The following IRAG2 variants were observed in gnomAD, a reference collection of about 807,000 sequenced individuals.
IRAG2 encodes the protein inositol 1,4,5-triphosphate receptor associated 2, also known as lymphoid restricted membrane protein.
IRAG2 carries 45 observed loss-of-function variants against 69.9 expected under a neutral mutation model. The observed-to-expected ratio is 0.64, with a 90% CI of 0.51 to 0.83. The LOEUF (loss-of-function observed/expected upper bound fraction) is 0.83, where lower values mean the gene tolerates loss of function less well. Ranked by LOEUF, IRAG2 falls within the 40% of genes least tolerant of loss-of-function variation. IRAG2 has a pLI of 0.00. For missense variants in IRAG2, 520 were observed against 587.0 expected (o/e 0.89, Z 1.18); for synonymous variants, 193 against 202.4 (o/e 0.95, Z 0.40).
chr12:25,019,875 A>G (rs565339181), intron 6 of IRAG2, among the ~76,000 whole-genome samples: 1 of 152,352 alleles, frequency 6.6e-6, no homozygotes, highest in Admixed American at 6.5e-5. Context: ...ACTGTAGAAC[A>G]GCACTACTTT....
At chr12:25,075,325 G>A (rs1432731259) in intron 6 of IRAG2, among the ~76,000 whole-genome samples, 2 of 152,080 alleles carry the variant, frequency 1.3e-5, no homozygotes, top group Admixed American at 6.5e-5. Flanking sequence ...GGGTCAAATA[G>A]TAAACATTAC....
At position 25,035,455 on chromosome 12, in the gene IRAG2, G is replaced by C. The variant is rs559457058; in HGVS notation, c.1744-198G>C. The C allele has an allele frequency of 8.3e-5, 32 of 383,640 alleles. 1 individual carries two copies. In the South Asian group the frequency reaches 4.6e-3, roughly 56 times the overall value. 23.8% of individuals were successfully genotyped at this position (383,640 alleles called of 1,614,324 possible). A position where few individuals can be genotyped will look rare whatever the true frequency, so the allele number is the denominator to read the frequency against. ...TTGATAATGAGTTTTCCTTAAGACA[G>C]AATAAATGTTCAATTGGAGCCATCC... On this transcript the variant is annotated intron_variant, in intron 13 of 38. Transcript: ENST00000636465.
rs1338455835 is a variant in IRAG2 at position 25,052,940 on chromosome 12, G to C, written c.-463G>C. The stretch of plus-strand genomic sequence containing the variant: ...ACACTTGCCAGGCACTTCAGCAGAA[G>C]ACAAGGAAACTGAAGAGTGAGTAGC... On this transcript the variant is annotated 5_prime_UTR_variant, in exon 1 of 22. Transcript: ENST00000556887. 2.5e-6 allele frequency: 1 copy of C among 398,446 alleles called. No homozygotes were observed. Among genetic ancestry groups the C allele is most frequent in the African/African-American group, 2.1e-5 (1 of 48,606 alleles). The allele number at this position is 398,446 out of a possible 1,614,324, so 24.7% of individuals were successfully genotyped here.
chr12:25,004,341 A>G, upstream of IRAG2: 1 of 1,232,062 alleles, frequency 8.1e-7, no homozygotes, highest in Non-Finnish European at 1.0e-6. Flanking sequence ...GAAAGTCAAC[A>G]ATGGCCTCTC....
intron 10 of IRAG2, among the ~76,000 whole-genome samples, chr12:25,083,883 A>G (rs1488596611): frequency 2.0e-5 from 3 of 152,258 alleles, no homozygotes; most frequent in African/African-American, 7.2e-5. Flanking sequence ...ATATGTTCTA[A>G]TCAGGTGAAG....
At chr12:25,039,491 C>T (rs1367356041) in intron 16 of IRAG2, among the ~76,000 whole-genome samples, 4 of 152,154 alleles carry the variant, frequency 2.6e-5, no homozygotes, top group Non-Finnish European at 2.9e-5. Flanking sequence ...AGTGCAGTGG[C>T]GTGATCTCTG....
chr12:25,027,631 T>A (rs1205055086), intron 9 of IRAG2, among the ~76,000 whole-genome samples: 1 of 152,122 alleles, frequency 6.6e-6, no homozygotes, highest in Non-Finnish European at 1.5e-5. Context: ...CCTGACCTTG[T>A]GATCTGCCCA....
chr12:25,021,176 C>G (rs892755099), intron 7 of IRAG2: 3 of 203,218 alleles, frequency 1.5e-5, no homozygotes, highest in South Asian at 3.8e-4. Context: ...AGGATCGTGG[C>G]TCACTCCAGC....
Position 25,066,732 on chromosome 12 carries a change from G to A in IRAG2, c.-59+220G>A, listed in dbSNP as rs751301509. Among the ~76,000 whole-genome samples the A allele has an allele frequency of 4.7e-5, 7 of 149,154 alleles. No individual in the cohort carries two copies. The South Asian group carries it at 1.1e-3, about 23-fold the overall frequency. Reference sequence around the variant, plus strand: ...CACTGGAGTGCAGTGATGTGATCTCGGCTGCCTCCCGAGGTCAAGCAATTC... The same window carrying A: ...CACTGGAGTGCAGTGATGTGATCTCAGCTGCCTCCCGAGGTCAAGCAATTC... On this transcript the variant is annotated intron_variant, in intron 5 of 21. Transcript: ENST00000556887.
chr12:25,079,128 G>T, intron 6 of IRAG2, 116 bp from the exon 7 acceptor site: 1 of 992,692 alleles, frequency 1.0e-6, no homozygotes. Context: ...CTTTCCAAAA[G>T]AGCTGAGTAA....
intron 7 of IRAG2, among the ~76,000 whole-genome samples, chr12:25,022,906 A>C (rs1944592816): frequency 6.6e-6 from 1 of 152,202 alleles, no homozygotes; most frequent in South Asian, 2.1e-4. Context: ...TGGGCAGATC[A>C]CCTGGGGTCA....
In IRAG2 at chr12:25,011,549, A is replaced by G. The variant is rs74070677; in HGVS notation, c.894A>G (p.Thr298=). Reference sequence around the variant, plus strand: ...ACTGGATGGCTTACTGTGGAAACACATGGTAATCAGAGTCCTAGTGGGATG... The same window carrying G: ...ACTGGATGGCTTACTGTGGAAACACGTGGTAATCAGAGTCCTAGTGGGATG... The change falls in exon 3 of 39, where the codon ACA becomes ACG. Residue 298 remains threonine (T), a splice_region_variant and synonymous_variant. Coordinates refer to the IRAG2 transcript ENST00000636465. 3.2e-3 allele frequency: 3,961 copies of G among 1,231,292 alleles called. 116 individuals carry two copies. The African/African-American group carries it at 0.054, about 17-fold the overall frequency. 76.3% of individuals were successfully genotyped at this position (1,231,292 alleles called of 1,614,324 possible).
At chr12:25,039,311 A>G (rs538289424) in intron 16 of IRAG2, among the ~76,000 whole-genome samples, 1 of 152,350 alleles carries the variant, frequency 6.6e-6, no homozygotes, top group East Asian at 1.9e-4. Flanking sequence ...TCTCAAGAAA[A>G]TGATCTTCTG....
chr12:25,100,993 T>G (rs1948721661), intron 15 of IRAG2, 185 bp from the exon 16 acceptor site: 1 of 457,182 alleles, frequency 2.2e-6, no homozygotes, highest in Admixed American at 4.0e-5. Flanking sequence ...CTATCCAGCT[T>G]TCAAAGTCTT....
chr12:25,088,909 TA>T (rs1013974407), intron 11 of IRAG2, among the ~76,000 whole-genome samples: 2 of 151,626 alleles, frequency 1.3e-5, no homozygotes, highest in Admixed American at 6.6e-5. Context: ...GTTACTATTA[TA>T]AAAAAATCAA....
intron 16 of IRAG2, among the ~76,000 whole-genome samples, chr12:25,042,273 AC>A (rs1944756752): frequency 3.7e-5 from 2 of 53,442 alleles, no homozygotes; most frequent in Non-Finnish European, 1.3e-4. Context: ...TGCTATTTAG[AC>A]AGCAAAGTCT....
intron 16 of IRAG2, chr12:25,038,244 A>G: frequency 2.5e-6 from 1 of 395,998 alleles, no homozygotes; most frequent in Non-Finnish European, 4.4e-6. Context: ...CATTGATTTC[A>G]GATGATACTT....
intron 11 of IRAG2, 82 bp downstream of exon 11, chr12:25,088,239 C>A: frequency 1.8e-6 from 2 of 1,100,306 alleles, no homozygotes; most frequent in Non-Finnish European, 1.4e-6. Flanking sequence ...CTGAATAAAG[C>A]TATGTCACTT....
intron 6 of IRAG2, among the ~76,000 whole-genome samples, chr12:25,017,918 T>C (rs1301012890): frequency 1.3e-5 from 2 of 152,200 alleles, no homozygotes; most frequent in African/African-American, 4.8e-5. Flanking sequence ...ATTCTGGGCA[T>C]TACATATAAA....
Sources: gnomAD v4.1 joint callset for allele counts (sites outside exome capture counted in the v4.1 genomes callset) on GRCh38, gnomAD v4.1.1 for gene constraint, MANE v1.5 for transcripts, NCBI Gene and HGNC (gene_info 2026-07-23, HGNC 2026-07-21) for gene names.